The following CLASP1 variants were observed in gnomAD, a reference collection of about 807,000 sequenced individuals.
CLASP1 encodes CLIP-associating protein 1.
CLASP1 carries 38 observed loss-of-function variants against 192.3 expected under a neutral mutation model. The ratio of observed to expected loss-of-function variants is 0.20; its 90% confidence interval spans 0.15 to 0.26. The LOEUF is 0.26. Among genes scored for constraint, CLASP1 ranks in the 10% least tolerant of loss-of-function variants. The pLI, the probability that CLASP1 is intolerant of heterozygous loss-of-function variation, is 1.00. For synonymous variants in CLASP1, 691 were observed against 712.8 expected, an observed-to-expected ratio of 0.97 and a Z score of 0.49; for missense variants, 1,433 against 1,932.5, an observed-to-expected ratio of 0.74 and a Z score of 4.85.
intron 2 of CLASP1, among the ~76,000 whole-genome samples, chr2:121,563,192 C>T (rs1035921326): frequency 6.6e-6 from 1 of 152,206 alleles, no homozygotes; most frequent in Admixed American, 6.5e-5. Context: ...CTAACCACAA[C>T]ACTCAAGGAT....
intron 7 of CLASP1, among the ~76,000 whole-genome samples, chr2:121,515,290 C>A (rs2094255780): frequency 6.6e-6 from 1 of 152,146 alleles, no homozygotes; most frequent in African/African-American, 2.4e-5. Flanking sequence ...TCTGGAATGG[C>A]TTCATTCATT....
intron 2 of CLASP1, among the ~76,000 whole-genome samples, chr2:121,598,727 CAG>C (rs1375274090): frequency 1.3e-5 from 2 of 152,148 alleles, no homozygotes; most frequent in Non-Finnish European, 2.9e-5. Flanking sequence ...TGAGATAAGA[CAG>C]AGAACATACC....
chr2:121,418,541 C>A, intron 23 of CLASP1, 81 bp downstream of exon 23: 1 of 923,746 alleles, frequency 1.1e-6, no homozygotes, highest in Non-Finnish European at 1.8e-6. Context: ...GGAGGAAAAG[C>A]AGGTCATTCC....
chr2:121,413,956 G>A (rs2078145406), intron 23 of CLASP1, among the ~76,000 whole-genome samples, 185 bp downstream of exon 24: 1 of 152,082 alleles, frequency 6.6e-6, no homozygotes, highest in African/African-American at 2.4e-5. Flanking sequence ...AGGCTATGAA[G>A]CATCTACAGC....
At chr2:121,425,118 A>G (rs1189841666) in intron 22 of CLASP1, 21 bp downstream of exon 22, 10 of 1,587,264 alleles carry the variant, frequency 6.3e-6, no homozygotes, top group Non-Finnish European at 7.7e-6. Context: ...ATGGTATTCC[A>G]AGATCTTTGA....
intron 9 of CLASP1, among the ~76,000 whole-genome samples, chr2:121,468,723 A>C (rs962185232): frequency 6.6e-6 from 1 of 152,180 alleles, no homozygotes; most frequent in Non-Finnish European, 1.5e-5. Context: ...ATCTGCAAAT[A>C]AAGATAGTTT....
At chr2:121,547,862 A>G (rs1012951967) in intron 2 of CLASP1, among the ~76,000 whole-genome samples, 23 of 152,226 alleles carry the variant, frequency 1.5e-4, no homozygotes, top group African/African-American at 5.3e-4. Flanking sequence ...AAAAACAAGA[A>G]GTCAGCTTCA....
chr2:121,532,739 T>G (rs2094928727), intron 2 of CLASP1: 1 of 152,164 alleles, frequency 6.6e-6, no homozygotes, highest in Non-Finnish European at 1.5e-5. Context: ...ACATTTTTCC[T>G]TAGGTAGAAA....
At chr2:121,629,033 G>C (rs867336269) in intron 1 of CLASP1, among the ~76,000 whole-genome samples, 1 of 151,918 alleles carries the variant, frequency 6.6e-6, no homozygotes, top group Non-Finnish European at 1.5e-5. Flanking sequence ...GAACAGGGAA[G>C]TGGGAAATAA....
intron 26 of CLASP1, chr2:121,403,780 C>CT (rs1464511962): frequency 2.1e-6 from 1 of 468,208 alleles, no homozygotes; most frequent in South Asian, 1.5e-5. Context: ...CTGGGACTCT[C>CT]TCATCAAAAA....
chr2:121,381,840 C>T (rs1379076197), intron 33 of CLASP1, among the ~76,000 whole-genome samples: 1 of 152,130 alleles, frequency 6.6e-6, no homozygotes, highest in Admixed American at 6.5e-5. Flanking sequence ...ATGTCTTCTG[C>T]ACTTTAGACG....
At chr2:121,462,690 A>T in intron 9 of CLASP1, 85 bp from the exon 10 acceptor site, 1 of 764,570 alleles carries the variant, frequency 1.3e-6, no homozygotes, top group Non-Finnish European at 2.2e-6. Flanking sequence ...ATACACAATC[A>T]AAATTACATT....
At chr2:121,634,009 A>C (rs1284473403) in intron 1 of CLASP1, among the ~76,000 whole-genome samples, 5 of 151,974 alleles carry the variant, frequency 3.3e-5, no homozygotes, top group African/African-American at 1.2e-4. Context: ...AAAAAAAAAA[A>C]AAAACCAGAC....
At chr2:121,399,024 G>A (rs2075748027) in intron 28 of CLASP1, among the ~76,000 whole-genome samples, 1 of 152,186 alleles carries the variant, frequency 6.6e-6, no homozygotes. Context: ...GTTTAAAATT[G>A]CACAATGGGG....
chr2:121,353,343 C>T (rs1446187832), intron 37 of CLASP1, among the ~76,000 whole-genome samples: 1 of 152,190 alleles, frequency 6.6e-6, no homozygotes, highest in Non-Finnish European at 1.5e-5. Context: ...CCAGTCATCA[C>T]ACTGAATGTT....
rs1393501488 is a variant in CLASP1, at chr2:121,518,058, C to T, written c.547-2296G>A. ...CAGCCTGGCAAACATGGTGAAACCCCGTCTCTACTAAAAAATACAAAAATC... is the reference window on the plus strand; with the variant it reads ...CAGCCTGGCAAACATGGTGAAACCCTGTCTCTACTAAAAAATACAAAAATC... On this transcript the variant is annotated intron_variant, in intron 6 of 39. Transcript: ENST00000263710. Among the ~76,000 whole-genome samples, 4 of 148,702 alleles carry T rather than the reference C, an allele frequency of 2.7e-5. No individual in the cohort carries two copies. The East Asian group carries it at 6.0e-4, about 22-fold the overall frequency.
intron 7 of CLASP1, among the ~76,000 whole-genome samples, chr2:121,512,237 C>A (rs2094158509): frequency 6.6e-6 from 1 of 152,110 alleles, no homozygotes; most frequent in African/African-American, 2.4e-5. Context: ...TGACCTTTTT[C>A]CCAACACTCT....
chr2:121,517,412 TC>T (rs2094328918), intron 6 of CLASP1, among the ~76,000 whole-genome samples: 1 of 152,214 alleles, frequency 6.6e-6, no homozygotes, highest in South Asian at 2.1e-4. Context: ...GTAACTTTAC[TC>T]ATAATTTTTA....
Position 121,411,101 on chromosome 2 carries a change from TG to T in CLASP1, c.2321-133del, listed in dbSNP as rs1391326899. 3.0e-5 allele frequency: 18 copies of T among 604,864 alleles called. 1 individual carries two copies. Among genetic ancestry groups the T allele is most frequent in the East Asian group, 2.3e-4 (8 of 35,054 alleles). The allele number at this position is 604,864 out of a possible 1,614,324, so 37.5% of individuals were successfully genotyped here. A position where few individuals can be genotyped will look rare whatever the true frequency, so the allele number is the denominator to read the frequency against. ...GTCTCTAGCCAATTTTAACTACACT[TG>T]ACTTGTTTACCAGTGGTAGAGGTTA... On this transcript the variant is annotated intron_variant, in intron 23 of 39. Transcript: ENST00000263710.
Sources: allele counts gnomAD v4.1 joint callset (sites outside exome capture counted in the v4.1 genomes callset), GRCh38; gene constraint gnomAD v4.1.1; transcripts MANE v1.5; gene names NCBI Gene and HGNC (gene_info 2026-07-23, HGNC 2026-07-21).